Variants in PPP1R14D observed in about 807,000 individuals in gnomAD.
PPP1R14D encodes the protein protein phosphatase 1 regulatory subunit 14D.
In PPP1R14D, 14 loss-of-function variants were observed where a neutral mutation model predicts 17.1. The ratio of observed to expected loss-of-function variants is 0.82; its 90% confidence interval spans 0.54 to 1.28. PPP1R14D has a LOEUF of 1.28. Ranked by LOEUF, PPP1R14D falls within the 50% of genes most tolerant of loss-of-function variation. The pLI is 0.00. For synonymous variants in PPP1R14D, 67 were observed against 66.1 expected, an observed-to-expected ratio of 1.01 and a Z score of -0.06; for missense variants, 173 against 179.2, an observed-to-expected ratio of 0.97 and a Z score of 0.20.
At chr15:40,823,830 C>A (rs1395550622) in intron 1 of PPP1R14D, among the ~76,000 whole-genome samples, 2 of 151,968 alleles carry the variant, frequency 1.3e-5, no homozygotes, top group South Asian at 2.1e-4. Context: ...TTAAGCAGGG[C>A]ATGACTATAT....
chr15:40,815,917 A>C, intron 3 of PPP1R14D, 45 bp downstream of exon 3: 1 of 1,586,126 alleles, frequency 6.3e-7, no homozygotes, highest in Non-Finnish European at 8.6e-7. Flanking sequence ...TACCTCCCCC[A>C]TTGGGCCTCC....
intron 1 of PPP1R14D, 38 bp from the exon 2 acceptor site, chr15:40,816,291 C>T (rs1424923973): frequency 6.4e-7 from 1 of 1,550,820 alleles, no homozygotes. Flanking sequence ...GGGGCCTGAC[C>T]AGCTGGTGCT....
intron 1 of PPP1R14D, among the ~76,000 whole-genome samples, chr15:40,823,442 T>G (rs1389116500): frequency 6.6e-6 from 1 of 152,122 alleles, no homozygotes; most frequent in Admixed American, 6.6e-5. Flanking sequence ...ATGTGTACAG[T>G]GTTTATGAAA....
intron 1 of PPP1R14D, among the ~76,000 whole-genome samples, chr15:40,822,263 T>C (rs1377486018): frequency 6.6e-6 from 1 of 151,928 alleles, no homozygotes; most frequent in Non-Finnish European, 1.5e-5. Flanking sequence ...GGCAGGCAGA[T>C]TGCTTGAGCC....
intron 1 of PPP1R14D, among the ~76,000 whole-genome samples, chr15:40,821,428 GT>G (rs941049476): frequency 6.6e-5 from 10 of 151,574 alleles, no homozygotes; most frequent in African/African-American, 2.4e-4. Flanking sequence ...TTAACAGCAT[GT>G]TTAACACTGT....
chr15:40,816,788 T>C (rs934413989), intron 1 of PPP1R14D, among the ~76,000 whole-genome samples: 15 of 152,074 alleles, frequency 9.9e-5, no homozygotes, highest in Admixed American at 8.5e-4. Context: ...CAAAGAATTA[T>C]TGACCAGGCA....
At chr15:40,828,315 C>G in intron 1 of PPP1R14D, 72 bp downstream of exon 1, 1 of 1,498,984 alleles carries the variant, frequency 6.7e-7, no homozygotes, top group Non-Finnish European at 8.9e-7. Context: ...CCCTCCAGCT[C>G]CTGTGAAGGT....
chr15:40,816,246 G>A lies in PPP1R14D; in HGVS notation c.263C>T (p.Ala88Val), dbSNP rs781053974. Residue 88 changes from alanine (A) to valine (V), a missense_variant, in exon 2 of 4, where the codon GCA (alanine) becomes GTA (valine). Ala to Val is a moderately conservative substitution (Grantham distance 64). Transcript: ENST00000299174. ...GTCAATCTCAGGCTCAGAAGGGGTT[G>A]CTTGATCCTATTTGGAAATCACATG... ...AQVQELFQDQATPSEPEIDLE... is the reference protein window; with the variant it reads ...AQVQELFQDQVTPSEPEIDLE... 6 of 1,614,038 alleles carry A rather than the reference G, an allele frequency of 3.7e-6. No individual in the cohort carries two copies. Among genetic ancestry groups the A allele is most frequent in the Non-Finnish European group, 5.1e-6 (6 of 1,179,908 alleles).
chr15:40,823,643 A>G (rs1195793715), intron 1 of PPP1R14D, among the ~76,000 whole-genome samples: 1 of 152,186 alleles, frequency 6.6e-6, no homozygotes, highest in Non-Finnish European at 1.5e-5. Context: ...AGCTGCCCAC[A>G]GTATTCAGTA....
chr15:40,824,111 G>C (rs965536244), intron 1 of PPP1R14D, among the ~76,000 whole-genome samples: 7 of 151,826 alleles, frequency 4.6e-5, no homozygotes, highest in Non-Finnish European at 8.8e-5. Context: ...AACATAAGCA[G>C]GTATATAAAA....
At chr15:40,817,911 C>G (rs955700376) in intron 1 of PPP1R14D, among the ~76,000 whole-genome samples, 2 of 152,110 alleles carry the variant, frequency 1.3e-5, no homozygotes, top group Non-Finnish European at 2.9e-5. Context: ...CATGCCCAGC[C>G]CTAAACACAC....
chr15:40,819,408 G>A (rs1023730179), intron 1 of PPP1R14D, among the ~76,000 whole-genome samples: 3 of 152,006 alleles, frequency 2.0e-5, no homozygotes, highest in Admixed American at 6.6e-5. Context: ...AATTAGCCAG[G>A]TATGGTGCCG....
At chr15:40,822,310 C>T (rs1488332664) in intron 1 of PPP1R14D, among the ~76,000 whole-genome samples, 1 of 150,306 alleles carries the variant, frequency 6.7e-6, no homozygotes, top group Non-Finnish European at 1.5e-5. Flanking sequence ...CATAGTGAGA[C>T]CTTGCCTCTA....
intron 1 of PPP1R14D, among the ~76,000 whole-genome samples, chr15:40,826,331 T>C (rs556759868): frequency 6.6e-6 from 1 of 152,266 alleles, no homozygotes; most frequent in South Asian, 2.1e-4. Flanking sequence ...AGGGCCCTGC[T>C]GCTCCAAAAA....
At chr15:40,826,562 T>C (rs1453952447) in intron 1 of PPP1R14D, among the ~76,000 whole-genome samples, 3 of 152,194 alleles carry the variant, frequency 2.0e-5, no homozygotes, top group South Asian at 2.1e-4. Context: ...TGGAGAACCA[T>C]TGGCTGCTCA....
intron 1 of PPP1R14D, among the ~76,000 whole-genome samples, chr15:40,818,029 G>A (rs916598308): frequency 3.3e-5 from 5 of 152,074 alleles, no homozygotes; most frequent in African/African-American, 7.2e-5. Flanking sequence ...GGTGGCACAC[G>A]CCTGTAATCC....
chr15:40,822,138 T>C (rs1890790144), intron 1 of PPP1R14D, among the ~76,000 whole-genome samples: 1 of 151,820 alleles, frequency 6.6e-6, no homozygotes, highest in African/African-American at 2.4e-5. Flanking sequence ...TTTAAGTTTA[T>C]AATGTAAAAA....
rs1890643927 is a variant in PPP1R14D, at chr15:40,815,691, C to A, written c.*5G>T. The A allele has an allele frequency of 6.2e-7, 1 of 1,613,694 alleles. No homozygotes were observed. The highest frequency in any genetic ancestry group is 1.3e-5 in the African/African-American group (1 of 74,924). On this transcript the variant is annotated 3_prime_UTR_variant, in exon 4 of 4. Coordinates refer to ENST00000299174, the MANE Select transcript of PPP1R14D (RefSeq NM_017726.8). ...GCTGAGGCTGCTAAAGATGGTCTCT[C>A]AGGCTTATTTCTGAGGCCGGCTGAG...
At position 40,828,477 on chromosome 15, in the gene PPP1R14D, G is replaced by C. The variant is rs1269392813; in HGVS notation, c.165C>G (p.Ser55Arg). 1.2e-6 allele frequency: 2 copies of C among 1,614,082 alleles called. No homozygotes were observed. The highest frequency in any genetic ancestry group is 1.7e-6 in the Non-Finnish European group (2 of 1,180,038). The change falls in exon 1 of 4, where the codon AGC becomes AGG. Residue 55 changes from serine to arginine, a missense_variant. By Grantham distance (110) the Ser-to-Arg change is moderately radical. Transcript: ENST00000299174. ...CCCGGTCATACTTCACTGTCAGGCGGCTGGGTCTCCGGGACCTGGGTATCT... is the reference window on the plus strand; with the variant it reads ...CCCGGTCATACTTCACTGTCAGGCGCCTGGGTCTCCGGGACCTGGGTATCT... The part of the protein sequence containing the change: ...SSKIPRSRRP[S>R]RLTVKYDRGQ...
Sources: gnomAD v4.1 joint callset for allele counts (sites outside exome capture counted in the v4.1 genomes callset) on GRCh38, gnomAD v4.1.1 for gene constraint, MANE v1.5 for transcripts, NCBI Gene and HGNC (gene_info 2026-07-23, HGNC 2026-07-21) for gene names.